FGF13: variants seen among roughly 807,000 people sequenced by gnomAD.
The protein encoded by FGF13 is fibroblast growth factor 13.
In FGF13, 2 loss-of-function variants were observed where a neutral mutation model predicts 19.5. The ratio of observed to expected loss-of-function variants is 0.10; its 90% CI spans 0.04 to 0.32. FGF13 has a LOEUF of 0.32. FGF13 is among the 10% of genes least tolerant of loss of function. FGF13 has a pLI of 1.00. For missense variants in FGF13, 113 were observed against 192.7 expected, an observed-to-expected ratio of 0.59 and a Z score of 2.45; for synonymous variants, 72 against 76.9, an observed-to-expected ratio of 0.94 and a Z score of 0.33.
chrX:138,816,449 A>C (rs1433714338), intron 3 of FGF13, among the ~76,000 whole-genome samples: 1 of 112,238 alleles, frequency 8.9e-6, no homozygotes. Context: ...TGACCCAGCA[A>C]TCGCACTCAT....
chrX:139,085,236 A>G (rs2124444222), intron 1 of FGF13, among the ~76,000 whole-genome samples: 1 of 112,164 alleles, frequency 8.9e-6, no homozygotes, highest in Admixed American at 9.4e-5. Flanking sequence ...GTCATACACT[A>G]GGAATAATAC....
chrX:138,759,297 G>C (rs946547369), intron 3 of FGF13, among the ~76,000 whole-genome samples: 1 of 112,080 alleles, frequency 8.9e-6, no homozygotes, highest in Non-Finnish European at 1.9e-5. Context: ...TTGATGCCCC[G>C]ACATCTCCTT....
chrX:138,890,101 G>A (rs2091469510), intron 1 of FGF13, among the ~76,000 whole-genome samples: 1 of 110,274 alleles, frequency 9.1e-6, no homozygotes, highest in Admixed American at 9.6e-5. Flanking sequence ...GCTAATTTTT[G>A]TATTTTTGGT....
intron 1 of FGF13, among the ~76,000 whole-genome samples, chrX:139,144,216 C>T (rs995203483): frequency 5.4e-5 from 6 of 111,780 alleles, no homozygotes; most frequent in Admixed American, 3.8e-4. Context: ...GAAGCCTGAA[C>T]CCCCTCCTGG....
At chrX:138,934,263 T>C (rs2091720003) in intron 1 of FGF13, among the ~76,000 whole-genome samples, 1 of 111,372 alleles carries the variant, frequency 9.0e-6, no homozygotes, top group Non-Finnish European at 1.9e-5. Flanking sequence ...GCTGTAAAAG[T>C]GGTCCTAGCA....
At chrX:138,912,404 G>A (rs2091592626) in intron 1 of FGF13, among the ~76,000 whole-genome samples, 1 of 111,934 alleles carries the variant, frequency 8.9e-6, no homozygotes, top group African/African-American at 3.3e-5. Flanking sequence ...ATCAGAGGCA[G>A]TGCTGAGAAG....
At chrX:138,822,522 G>T (rs2091006332) in intron 3 of FGF13, among the ~76,000 whole-genome samples, 1 of 111,692 alleles carries the variant, frequency 9.0e-6, no homozygotes, top group Admixed American at 9.5e-5. Context: ...CCCTTATGAG[G>T]TGGTGAAGCT....
chrX:138,880,270 T>A (rs1363957951), intron 1 of FGF13, among the ~76,000 whole-genome samples: 1 of 111,986 alleles, frequency 8.9e-6, no homozygotes, highest in East Asian at 2.8e-4. Flanking sequence ...GAAGACAGTG[T>A]GGCCATTCCT....
downstream of FGF13, among the ~76,000 whole-genome samples, chrX:138,855,962 C>CTA: frequency 9.9e-6 from 1 of 101,314 alleles, no homozygotes; most frequent in Non-Finnish European, 2.0e-5. Flanking sequence ...AGTACAAAAA[C>CTA]TGTGTGTGTG....
In FGF13 at chrX:138,711,464, A is replaced by G; in HGVS notation, c.-461T>C. 1 of 718,140 alleles carries G rather than the reference A, an allele frequency of 1.4e-6. No individual in the cohort carries two copies. Among genetic ancestry groups the G allele is most frequent in the Non-Finnish European group, 1.7e-6 (1 of 605,234 alleles). The allele number at this position is 718,140 out of a possible 1,213,427, so 59.2% of individuals were successfully genotyped here. A position where few individuals can be genotyped will look rare whatever the true frequency, so the allele number is the denominator to read the frequency against. On this transcript the variant is annotated 5_prime_UTR_variant, in exon 1 of 5. Coordinates refer to ENST00000315930, the MANE Select transcript of FGF13 (RefSeq NM_004114.5). ...GAGCGCGGGCGGGAGAGAGGCCGGGAGCTCGGGCGGCCGGACGGAGGAGGG... is the reference window on the plus strand; with the variant it reads ...GAGCGCGGGCGGGAGAGAGGCCGGGGGCTCGGGCGGCCGGACGGAGGAGGG...
chrX:138,958,601 A>T lies in FGF13; in HGVS notation c.-112-93951T>A, dbSNP rs933259015. Among the ~76,000 whole-genome samples, 4 of 111,959 alleles carry T rather than the reference A, an allele frequency of 3.6e-5. No individual in the cohort carries two copies. The Admixed American group carries it at 3.8e-4, about 11-fold the overall frequency. ...GAATAGTTTCAGAAGGAATGGTATC[A>T]GCTCCTCCATGTACCTCTGGTAGAA... On this transcript the variant is annotated intron_variant, in intron 1 of 2. Coordinates refer to the FGF13 transcript ENST00000421460.
chrX:138,702,610 T>G (rs2089958027), intron 3 of FGF13, among the ~76,000 whole-genome samples: 1 of 111,969 alleles, frequency 8.9e-6, no homozygotes, highest in African/African-American at 3.3e-5. Flanking sequence ...GAGGGAGAGA[T>G]CTCATGTTTT....
At chrX:139,203,388 G>C (rs2084432503) in intron 1 of FGF13, 1 of 110,060 alleles carries the variant, frequency 9.1e-6, no homozygotes, top group African/African-American at 3.3e-5. Context: ...CGCAGCGCGG[G>C]CGGCGCCAGG....
At chrX:139,167,416 CAT>C (rs2084095747) in intron 1 of FGF13, among the ~76,000 whole-genome samples, 1 of 111,993 alleles carries the variant, frequency 8.9e-6, no homozygotes, top group Non-Finnish European at 1.9e-5. Flanking sequence ...GGTACACACA[CAT>C]GTCAATGTCA....
chrX:139,113,202 C>T (rs893683188), intron 1 of FGF13, among the ~76,000 whole-genome samples: 18 of 110,754 alleles, frequency 1.6e-4, no homozygotes, highest in Non-Finnish European at 2.6e-4. Flanking sequence ...ACAGAGACCT[C>T]GTGGGATTCA....
chrX:138,835,400 T>C (rs1201583127), intron 3 of FGF13, among the ~76,000 whole-genome samples: 1 of 112,328 alleles, frequency 8.9e-6, no homozygotes, highest in Non-Finnish European at 1.9e-5. Flanking sequence ...TTTACCATTA[T>C]GCGATGCGGA....
At position 138,939,746 on chromosome X, in the gene FGF13, A is replaced by G. The variant is rs777497536; in HGVS notation, c.-112-75096T>C. Among the ~76,000 whole-genome samples the G allele has an allele frequency of 1.1e-3, 118 of 111,841 alleles. 1 individual carries two copies. Among genetic ancestry groups the G allele is most frequent in the African/African-American group, 3.7e-3 (114 of 30,800 alleles). ...CATCCATGTTGCTGCAAAGAACATG[A>G]CCTCATTCTTTTTTATGACTACATA... is the stretch of plus-strand genomic sequence containing the variant. On this transcript the variant is annotated intron_variant, in intron 1 of 2. Coordinates refer to the FGF13 transcript ENST00000421460.
chrX:138,970,283 A>G (rs1440601469), intron 1 of FGF13, among the ~76,000 whole-genome samples: 2 of 111,443 alleles, frequency 1.8e-5, no homozygotes, highest in African/African-American at 6.5e-5. Context: ...AGTATTTTTA[A>G]AAATAATTAA....
chrX:139,139,174 C>T (rs751650815), intron 1 of FGF13, among the ~76,000 whole-genome samples: 12 of 111,147 alleles, frequency 1.1e-4, no homozygotes, highest in Non-Finnish European at 1.3e-4. Flanking sequence ...CTCAAACGAT[C>T]TGCCTGCCTC....
Sources: allele counts gnomAD v4.1 joint callset (sites outside exome capture counted in the v4.1 genomes callset), GRCh38; gene constraint gnomAD v4.1.1; transcripts MANE v1.5; gene names NCBI Gene and HGNC (gene_info 2026-07-23, HGNC 2026-07-21).